Variants in LIAS observed in about 807,000 individuals in gnomAD.
LIAS encodes the protein lipoyl synthase, mitochondrial.
A neutral mutation model predicts 49.4 loss-of-function variants in LIAS; 36 were observed. That is an observed-to-expected ratio of 0.73 (90% confidence interval 0.56 to 0.96). The LOEUF (loss-of-function observed/expected upper bound fraction) is 0.96. Ranked by LOEUF, LIAS falls within the 40% of genes least tolerant of loss-of-function variation. The probability of loss-of-function intolerance (pLI) is 0.00; values close to 1 mark genes in which losing one functional copy is unlikely to be tolerated. For synonymous variants in LIAS, 145 were observed against 155.8 expected, an observed-to-expected ratio of 0.93 and a Z score of 0.52; for missense variants, 399 against 456.3, an observed-to-expected ratio of 0.87 and a Z score of 1.14.
In LIAS at chr4:39,477,691, A is replaced by G. The variant is rs896857723; in HGVS notation, c.*576A>G. The G allele has an allele frequency of 1.3e-5, 2 of 152,248 alleles. No individual in the cohort carries two copies. The highest frequency in any genetic ancestry group is 2.4e-5 in the African/African-American group (1 of 41,412). 9.4% of individuals were successfully genotyped at this position (152,248 alleles called of 1,614,324 possible). A position where few individuals can be genotyped will look rare whatever the true frequency, so the allele number is the denominator to read the frequency against. ...AATTTTCTTTTAACATAATTTTAAA[A>G]TGCATTAAAAACATGGCATGGTGGC... On this transcript the variant is annotated 3_prime_UTR_variant, in exon 11 of 11. Coordinates refer to ENST00000640888, the MANE Select transcript of LIAS (RefSeq NM_006859.4).
intron 10 of LIAS, 101 bp from the exon 11 acceptor site, chr4:39,476,962 C>G (rs1186804271): frequency 1.3e-6 from 1 of 756,788 alleles, no homozygotes; most frequent in African/African-American, 1.8e-5. Context: ...ATACAAAAGT[C>G]TTCTTTAAAG....
At chr4:39,469,634 A>G (rs1289343024) in intron 7 of LIAS, 5 of 162,028 alleles carry the variant, frequency 3.1e-5, no homozygotes, top group African/African-American at 9.6e-5. Flanking sequence ...GTCTTCAGAA[A>G]AGAAATGAAC....
intron 9 of LIAS, among the ~76,000 whole-genome samples, chr4:39,472,539 G>GT (rs1745033510): frequency 6.6e-6 from 1 of 152,214 alleles, no homozygotes; most frequent in African/African-American, 2.4e-5. Context: ...GAATTTAAAA[G>GT]TTGGGAAATG....
chr4:39,471,516 A>ATTTTT (rs1290713850), intron 9 of LIAS, among the ~76,000 whole-genome samples: 1 of 73,254 alleles, frequency 1.4e-5, no homozygotes, highest in South Asian at 4.0e-4. Context: ...ACATATATAT[A>ATTTTT]ATTTTTTTTT....
rs760106768 is a variant in LIAS at position 39,473,193 on chromosome 4, C to T, written c.1048C>T (p.Arg350Cys). 9.9e-6 allele frequency: 16 copies of T among 1,608,256 alleles called. No individual in the cohort carries two copies. Among genetic ancestry groups the T allele is most frequent in the Non-Finnish European group, 1.4e-5 (16 of 1,174,934 alleles). Reference protein sequence around the residue: ...FHYTASGPLVRSSYKAGEFFL... With the variant: ...FHYTASGPLVCSSYKAGEFFL... ...TTATACTGCAAGTGGCCCTTTGGTGCGTTCTTCATATAAAGCAGGTAAGTT... is the reference window on the plus strand; with the variant it reads ...TTATACTGCAAGTGGCCCTTTGGTGTGTTCTTCATATAAAGCAGGTAAGTT... Residue 350 changes from arginine to cysteine, a missense_variant, in exon 10 of 11, where the codon CGT becomes TGT. Arg to Cys is a radical substitution (Grantham distance 180). This residue lies in a region of LIAS where 234 missense variants were observed against 292.2 expected (regional missense o/e 0.80). Transcript: ENST00000640888.
chr4:39,473,545 T>C (rs905640086), intron 10 of LIAS: 7 of 176,580 alleles, frequency 4.0e-5, no homozygotes, highest in Non-Finnish European at 8.3e-5. Flanking sequence ...GTCAAGCATC[T>C]AATAGGGTTT....
intron 7 of LIAS, chr4:39,468,493 G>GAAAAAAAAAAA (rs71643297): frequency 1.6e-5 from 2 of 128,748 alleles, no homozygotes; most frequent in African/African-American, 6.1e-5. Flanking sequence ...AAAGAGAAAG[G>GAAAAAAAAAAA]AAAAAAAAAA....
intron 10 of LIAS, among the ~76,000 whole-genome samples, chr4:39,474,557 G>A (rs1342145521): frequency 6.6e-6 from 1 of 151,906 alleles, no homozygotes; most frequent in Non-Finnish European, 1.5e-5. Context: ...TACAGCCTGA[G>A]CAACATTGTG....
chr4:39,465,300 G>T lies in LIAS; in HGVS notation c.566G>T (p.Gly189Val), dbSNP rs775283873. 1.2e-6 allele frequency: 2 copies of T among 1,612,788 alleles called. No individual in the cohort carries two copies. The highest frequency in any genetic ancestry group is 3.4e-5 in the Admixed American group (2 of 59,674). ...SVDRDDMPDG[G>V]AEHIAKTVSY... Reference sequence around the variant, plus strand: ...TTGTTTCTAGATATGCCTGATGGGGGAGCTGAACACATTGCAAAGACCGTA... The same window carrying T: ...TTGTTTCTAGATATGCCTGATGGGGTAGCTGAACACATTGCAAAGACCGTA... Residue 189 changes from glycine to valine, a missense_variant, in exon 6 of 11, where the codon GGA becomes GTA. Transcript: ENST00000640888.
chr4:39,459,417 C>T (rs947167131), intron 1 of LIAS, among the ~76,000 whole-genome samples: 1 of 152,044 alleles, frequency 6.6e-6, no homozygotes, highest in African/African-American at 2.4e-5. Flanking sequence ...TGGTTTGTAC[C>T]CTATATTTAT....
At position 39,469,992 on chromosome 4, in the gene LIAS, GCTGACAACAGTC is replaced by G. The variant is rs1744919759; in HGVS notation, c.738-23_738-12del. 1.3e-6 allele frequency: 2 copies of G among 1,585,988 alleles called. No homozygotes were observed. Among genetic ancestry groups the G allele is most frequent in the African/African-American group, 2.7e-5 (2 of 74,272 alleles). ...GTACTTGGTTGAACTTGTAATTCTTGCTGACAACAGTCCTGCTGTTTTCCAGTAAGGTTCGTG... is the reference window on the plus strand; with the variant it reads ...GTACTTGGTTGAACTTGTAATTCTTGCTGCTGTTTTCCAGTAAGGTTCGTG... On this transcript the variant is annotated splice_polypyrimidine_tract_variant and intron_variant, in intron 7 of 10. Coordinates refer to ENST00000640888, the MANE Select transcript of LIAS (RefSeq NM_006859.4).
Position 39,478,884 on chromosome 4 carries a change from A to G in LIAS, c.*1769A>G, listed in dbSNP as rs183267603. The G allele has an allele frequency of 1.9e-4, 29 of 152,282 alleles. No individual in the cohort carries two copies. The highest frequency in any genetic ancestry group is 7.0e-4 in the African/African-American group (29 of 41,576). The allele number at this position is 152,282 out of a possible 1,614,324, so 9.4% of individuals were successfully genotyped here. A position where few individuals can be genotyped will look rare whatever the true frequency, so the allele number is the denominator to read the frequency against. On this transcript the variant is annotated 3_prime_UTR_variant, in exon 11 of 11. Coordinates refer to ENST00000640888, the MANE Select transcript of LIAS (RefSeq NM_006859.4). ...AAGTGGATAGCCAATTCTGTTTTGAATTCTTATAACGAGCCAGTATTATAA... is the reference window on the plus strand; with the variant it reads ...AAGTGGATAGCCAATTCTGTTTTGAGTTCTTATAACGAGCCAGTATTATAA...
chr4:39,474,604 AT>A (rs200516232), intron 10 of LIAS, among the ~76,000 whole-genome samples: 17 of 148,008 alleles, frequency 1.1e-4, no homozygotes, highest in Admixed American at 1.4e-4. Context: ...TATTATTATT[AT>A]TTTTTTTTTA....
At chr4:39,465,487 T>C in intron 6 of LIAS, 145 bp downstream of exon 6, 1 of 743,618 alleles carries the variant, frequency 1.3e-6, no homozygotes, top group Non-Finnish European at 2.1e-6. Flanking sequence ...TATGTACACA[T>C]TTCTTTGGAA....
intron 10 of LIAS, chr4:39,476,385 T>C (rs1184676311): frequency 6.6e-6 from 1 of 152,250 alleles, no homozygotes; most frequent in South Asian, 2.1e-4. Context: ...ATATGTAAGA[T>C]GACAAAGAGA....
Position 39,468,521 on chromosome 4 carries a change from A to ATAT in LIAS, c.737+876_737+877insATT, listed in dbSNP as rs1468216619. 32 of 139,576 alleles carry ATAT rather than the reference A, an allele frequency of 2.3e-4. 1 individual carries two copies. The highest frequency in any genetic ancestry group is 7.0e-4 in the African/African-American group (26 of 37,112). The allele number at this position is 139,576 out of a possible 1,614,324, so 8.6% of individuals were successfully genotyped here. ...AAAAAAAATATATATATATATATAT[A>ATAT]TTTTTTTATATTATATATATTCATA... On this transcript the variant is annotated intron_variant, in intron 7 of 10. Coordinates refer to ENST00000640888, the MANE Select transcript of LIAS (RefSeq NM_006859.4).
At chr4:39,473,866 A>G (rs1280771305) in intron 10 of LIAS, 1 of 152,236 alleles carries the variant, frequency 6.6e-6, no homozygotes, top group Non-Finnish European at 1.5e-5. Context: ...GTCATGTGAT[A>G]ATGATTGTCG....
chr4:39,473,229 GC>G lies in LIAS; in HGVS notation c.1066+19del, dbSNP rs1745060046. The G allele has an allele frequency of 6.8e-7, 1 of 1,478,870 alleles. No individual in the cohort carries two copies. Among genetic ancestry groups the G allele is most frequent in the South Asian group, 1.1e-5 (1 of 88,058 alleles). 91.6% of individuals were successfully genotyped at this position (1,478,870 alleles called of 1,614,324 possible). ...TAAAGCAGGTAAGTTAGATTGTGGG[GC>G]ATGGTTTCATTTAGGCCGTTAACTT... On this transcript the variant is annotated intron_variant, in intron 10 of 10. Transcript: ENST00000640888.
chr4:39,462,238 G>GA lies in LIAS; in HGVS notation c.266dup (p.Asn89LysfsTer4), dbSNP rs1355425067. 2.6e-6 allele frequency: 4 copies of GA among 1,564,304 alleles called. No homozygotes were observed. The highest frequency in any genetic ancestry group is 3.5e-6 in the Non-Finnish European group (4 of 1,158,452). On this transcript the variant is annotated frameshift_variant, in exon 3 of 11. Transcript: ENST00000640888. LOFTEE classifies it high-confidence loss of function. Reference sequence around the variant, plus strand: ...GGCTAAAGACAGAGATTCCCATGGGGAAAAATTACAATAAACTGAAAAATA... The same window carrying GA: ...GGCTAAAGACAGAGATTCCCATGGGGAAAAAATTACAATAAACTGAAAAATA...
Sources: allele counts gnomAD v4.1 joint callset (sites outside exome capture counted in the v4.1 genomes callset), GRCh38; gene constraint gnomAD v4.1.1; regional missense constraint gnomAD v4.1.1; transcripts MANE v1.5; gene names NCBI Gene and HGNC (gene_info 2026-07-23, HGNC 2026-07-21).